The following ADGRB2 variants were observed in gnomAD, a reference collection of about 807,000 sequenced individuals.
ADGRB2 encodes brain-specific angiogenesis inhibitor 2.
Under a neutral mutation model 178.7 loss-of-function variants are expected in ADGRB2, and 47 were observed. The observed-to-expected ratio is 0.26, with a 90% CI of 0.21 to 0.34. The LOEUF is 0.34. ADGRB2 is among the 10% of genes least tolerant of loss of function. The pLI is 1.00. For synonymous variants in ADGRB2, 870 were observed against 912.4 expected, an observed-to-expected ratio of 0.95 and a Z score of 0.84; for missense variants, 1,584 against 2,180.8, an observed-to-expected ratio of 0.73 and a Z score of 5.45.
In ADGRB2 at chr1:31,737,506, T is replaced by C. The variant is rs761215430; in HGVS notation, c.2902A>G (p.Ile968Val). 6.2e-7 allele frequency: 1 copy of C among 1,614,048 alleles called. No individual in the cohort carries two copies. The highest frequency in any genetic ancestry group is 1.1e-5 in the South Asian group (1 of 91,074). Residue 968 changes from isoleucine to valine, a missense_variant, in exon 20 of 33, where the codon ATC becomes GTC. This residue lies in a region of ADGRB2 where 865 missense variants were observed against 1,192.8 expected (regional missense o/e 0.73). Coordinates refer to ENST00000373658, the MANE Select transcript of ADGRB2 (RefSeq NM_001364857.2). The stretch of plus-strand genomic sequence containing the variant: ...ATGGACAGGCAGAAGTTCAGCAAGA[T>C]GATGGAGCGTTCAGATTTTATGAAC... ...WRFIKSERSI[I>V]LLNFCLSILA... is the part of the protein sequence containing the mutation.
At position 31,741,938 on chromosome 1, in the gene ADGRB2, C is replaced by A; in HGVS notation, c.1447G>T (p.Ala483Ser). The A allele has an allele frequency of 6.3e-7, 1 of 1,599,552 alleles. No homozygotes were observed. Among genetic ancestry groups the A allele is most frequent in the Non-Finnish European group, 8.5e-7 (1 of 1,170,092 alleles). ...CACGTCTTAGAGCACAGGCTCCACGCATTCCATGGCCCCCACTTGCTATCA... is the reference window on the plus strand; with the variant it reads ...CACGTCTTAGAGCACAGGCTCCACGAATTCCATGGCCCCCACTTGCTATCA... ...ATDSKWGPWN[A>S]WSLCSKTCDT... is the part of the protein sequence containing the mutation. The change falls in exon 9 of 33, where the codon GCG becomes TCG. Residue 483 changes from alanine to serine, a missense_variant. Coordinates refer to ENST00000373658, the MANE Select transcript of ADGRB2 (RefSeq NM_001364857.2). The surrounding 1 kb of genome is among the most constrained non-coding windows in gnomAD (Gnocchi z 6.5).
At position 31,756,435 on chromosome 1, in the gene ADGRB2, C is replaced by A. The variant is rs1314094114; in HGVS notation, c.402G>T (p.Glu134Asp). 3.7e-6 allele frequency: 6 copies of A among 1,612,042 alleles called. No homozygotes were observed. The highest frequency in any genetic ancestry group is 5.1e-6 in the Non-Finnish European group (6 of 1,179,286). ...TGCACAGCTCCAACCCCGCTGCCGCCTCTGCCTCCTCCTCTTCTGGCCGCC... is the reference window on the plus strand; with the variant it reads ...TGCACAGCTCCAACCCCGCTGCCGCATCTGCCTCCTCCTCTTCTGGCCGCC... ...EVGRPEEEEAEAAAGLELCSG... is the reference protein window; with the variant it reads ...EVGRPEEEEADAAAGLELCSG... The change falls in exon 4 of 33, where the codon GAG (glutamate) becomes GAT (aspartate). Residue 134 changes from glutamate to aspartate, a missense_variant. Physicochemically the swap from Glu to Asp is conservative, Grantham distance 45. This residue lies in a region of ADGRB2 where 657 missense variants were observed against 847.6 expected (regional missense o/e 0.78). Transcript: ENST00000373658. This position sits in a 1 kb window ranked among gnomAD's most constrained non-coding sequence, Gnocchi z 8.5.
rs1031527197 is a variant in ADGRB2, at chr1:31,740,906, C to CACACAT, written c.1795-366_1795-365insATGTGT. ...GTGTGGGCGCGCGCGCACACACACA[C>CACACAT]ACACACACACACACACACACTGTCT... On this transcript the variant is annotated intron_variant, in intron 11 of 32. Coordinates refer to ENST00000373658, the MANE Select transcript of ADGRB2 (RefSeq NM_001364857.2). This position sits in a 1 kb window ranked among gnomAD's most constrained non-coding sequence, Gnocchi z 5.9. 2.7e-5 allele frequency among the ~76,000 whole-genome samples: 4 copies of CACACAT among 150,182 alleles called. No homozygotes were observed. The highest frequency in any genetic ancestry group is 6.6e-5 in the Admixed American group (1 of 15,150).
intron 26 of ADGRB2, 34 bp downstream of exon 26, chr1:31,732,938 T>G: frequency 2.6e-6 from 4 of 1,543,802 alleles, no homozygotes; most frequent in Non-Finnish European, 2.6e-6. Flanking sequence ...GCAGGTGTGG[T>G]GGGCACACAC....
Position 31,761,247 on chromosome 1 carries a change from G to GAGTC in ADGRB2, c.-191+2633_-191+2636dup, listed in dbSNP as rs1647035220. Among the ~76,000 whole-genome samples the GAGTC allele has an allele frequency of 6.6e-6, 1 of 152,202 alleles. No homozygotes were observed. Among genetic ancestry groups the GAGTC allele is most frequent in the Non-Finnish European group, 1.5e-5 (1 of 68,024 alleles). ...GAGGACTTCCAGCCATCACAGGTTC[G>GAGTC]AGTCCCCTTCCTCCGTGCCACCTTC... On this transcript the variant is annotated intron_variant, in intron 1 of 32. Transcript: ENST00000373658. The surrounding 1 kb of genome is among the most constrained non-coding windows in gnomAD (Gnocchi z 4.2).
rs571622729 is a variant in ADGRB2, at chr1:31,753,147, C to T, written c.838+2852G>A. Among the ~76,000 whole-genome samples, 14 of 152,328 alleles carry T rather than the reference C, an allele frequency of 9.2e-5. No individual in the cohort carries two copies. In the East Asian group the frequency reaches 2.7e-3, roughly 29 times the overall value. On this transcript the variant is annotated intron_variant, in intron 4 of 32. Transcript: ENST00000373658. This position sits in a 1 kb window ranked among gnomAD's most constrained non-coding sequence, Gnocchi z 4.1. ...ACTGGCCATCAGGAGCTGAGCCCTG[C>T]AGCTGGCACTAACTCTGCGGCCCGC...
chr1:31,749,299 A>G (rs1646438348), intron 4 of ADGRB2, among the ~76,000 whole-genome samples: 1 of 152,206 alleles, frequency 6.6e-6, no homozygotes. Context: ...CTACAGCCAG[A>G]GTGTGAAACT....
rs1157426646 is a variant in ADGRB2, at chr1:31,739,477, T to C, written c.2326A>G (p.Thr776Ala). The stretch of plus-strand genomic sequence containing the variant: ...CCAGGGCTGCCTGCTGCCCCAGATG[T>C]GGCTGGCTTCCCTGGGGAGGAGAGG... ...LSLSSPGKPA[T>A]SGAAGSPGRG... The change falls in exon 15 of 33, where the codon ACA becomes GCA. Residue 776 changes from threonine to alanine, a missense_variant. This residue lies in a region of ADGRB2 where 865 missense variants were observed against 1,192.8 expected (regional missense o/e 0.73). Coordinates refer to ENST00000373658, the MANE Select transcript of ADGRB2 (RefSeq NM_001364857.2). The C allele has an allele frequency of 6.2e-7, 1 of 1,611,438 alleles. No homozygotes were observed. Among genetic ancestry groups the C allele is most frequent in the East Asian group, 2.2e-5 (1 of 44,842 alleles).
chr1:31,750,501 C>G (rs897239279), intron 4 of ADGRB2, among the ~76,000 whole-genome samples: 2 of 152,210 alleles, frequency 1.3e-5, no homozygotes, highest in African/African-American at 2.4e-5. Flanking sequence ...ACCCCTCCCC[C>G]CAAACTCCAC....
chr1:31,751,359 G>A (rs1557781746), intron 4 of ADGRB2, among the ~76,000 whole-genome samples: 1 of 152,238 alleles, frequency 6.6e-6, no homozygotes, highest in South Asian at 2.1e-4. Flanking sequence ...CAGTTTGTAT[G>A]GGATAGTCTG....
chr1:31,763,233 A>C (rs1267675178), intron 1 of ADGRB2, among the ~76,000 whole-genome samples: 3 of 149,288 alleles, frequency 2.0e-5, no homozygotes. Context: ...CCCCAATTCC[A>C]AGCTGAGGGG....
intron 6 of ADGRB2, chr1:31,743,747 G>A (rs1208237302): frequency 6.3e-6 from 1 of 157,882 alleles, no homozygotes; most frequent in Non-Finnish European, 1.4e-5. Context: ...CCTTGAGAGG[G>A]GGTGTCCAAA....
In ADGRB2 at chr1:31,756,663, A is replaced by G; in HGVS notation, c.174T>C (p.Phe58=). 1 of 1,609,428 alleles carries G rather than the reference A, an allele frequency of 6.2e-7. No individual in the cohort carries two copies. The highest frequency in any genetic ancestry group is 8.5e-7 in the Non-Finnish European group (1 of 1,177,758). ...LYGAFSLQDL[F]PTIASGCSWT... Reference sequence around the variant, plus strand: ...AGGAGCAGCCCGAGGCGATGGTAGGAAAGAGGTCCTGCAGCGAGAAGGCCC... The same window carrying G: ...AGGAGCAGCCCGAGGCGATGGTAGGGAAGAGGTCCTGCAGCGAGAAGGCCC... The change falls in exon 4 of 33, where the codon TTT becomes TTC. Residue 58 remains phenylalanine (F), a synonymous_variant. Transcript: ENST00000373658. This position sits in a 1 kb window ranked among gnomAD's most constrained non-coding sequence, Gnocchi z 8.5.
At position 31,735,435 on chromosome 1, in the gene ADGRB2, G is replaced by A. The variant is rs1350112821; in HGVS notation, c.3353+145C>T. The A allele has an allele frequency of 7.9e-7, 1 of 1,258,298 alleles. No individual in the cohort carries two copies. Among genetic ancestry groups the A allele is most frequent in the Non-Finnish European group, 1.1e-6 (1 of 884,872 alleles). The allele number at this position is 1,258,298 out of a possible 1,614,324, so 77.9% of individuals were successfully genotyped here. On this transcript the variant is annotated intron_variant, in intron 24 of 32. Transcript: ENST00000373658. The surrounding 1 kb of genome is among the most constrained non-coding windows in gnomAD (Gnocchi z 6.0). ...TGAGGGGCTGCGGCTGAGCACTCCGGGTGCCCACCTTGCCTGCAACCTTGA... is the reference window on the plus strand; with the variant it reads ...TGAGGGGCTGCGGCTGAGCACTCCGAGTGCCCACCTTGCCTGCAACCTTGA...
chr1:31,735,713 C>G lies in ADGRB2; in HGVS notation c.3268-48G>C, dbSNP rs750375116. 5 of 1,572,670 alleles carry G rather than the reference C, an allele frequency of 3.2e-6. No homozygotes were observed. The South Asian group carries it at 5.9e-5, about 18-fold the overall frequency. ...TGGGGGAGACAGGATCACCAGGTGCCCTCCTGGCAGGGAAATCCCCATGTG... is the reference window on the plus strand; with the variant it reads ...TGGGGGAGACAGGATCACCAGGTGCGCTCCTGGCAGGGAAATCCCCATGTG... On this transcript the variant is annotated intron_variant, in intron 23 of 32. Coordinates refer to ENST00000373658, the MANE Select transcript of ADGRB2 (RefSeq NM_001364857.2). This position sits in a 1 kb window ranked among gnomAD's most constrained non-coding sequence, Gnocchi z 6.0.
At chr1:31,751,884 A>G (rs1646589786) in intron 4 of ADGRB2, among the ~76,000 whole-genome samples, 1 of 152,068 alleles carries the variant, frequency 6.6e-6, no homozygotes, top group African/African-American at 2.4e-5. Context: ...CTAAATTATG[A>G]TGACCCAGCT....
chr1:31,727,507 G>C lies in ADGRB2; in HGVS notation c.4671C>G (p.Pro1557=). Residue 1557 remains proline (P), a synonymous_variant, in exon 33 of 33, where the codon CCC becomes CCG. Transcript: ENST00000373658. The surrounding 1 kb of genome is among the most constrained non-coding windows in gnomAD (Gnocchi z 4.4). The stretch of plus-strand genomic sequence containing the variant: ...GCAGAGTCAGCCGTTCTCGGGGCTT[G>C]GGGGGCAGCGAGCCCAGTGTCATAG... ...FKSMTLGSLP[P]KPRERLTLHR... 6.3e-7 allele frequency: 1 copy of C among 1,596,090 alleles called. No homozygotes were observed. Among genetic ancestry groups the C allele is most frequent in the Non-Finnish European group, 8.5e-7 (1 of 1,175,016 alleles).
rs1021769230 is a variant in ADGRB2 at position 31,753,166 on chromosome 1, G to A, written c.838+2833C>T. ...GCCCTGCAGCTGGCACTAACTCTGC[G>A]GCCCGCCTTCCAGCCCTGACCTCAG... On this transcript the variant is annotated intron_variant, in intron 4 of 32. Transcript: ENST00000373658. This position sits in a 1 kb window ranked among gnomAD's most constrained non-coding sequence, Gnocchi z 4.1. Among the ~76,000 whole-genome samples the A allele has an allele frequency of 1.3e-5, 2 of 152,202 alleles. No homozygotes were observed. The highest frequency in any genetic ancestry group is 6.5e-5 in the Admixed American group (1 of 15,290).
At position 31,737,736 on chromosome 1, in the gene ADGRB2, G is replaced by A. The variant is rs768974002; in HGVS notation, c.2792C>T (p.Ser931Phe). The part of the protein sequence containing the change: ...PKDLTLELAG[S>F]PSVPLVIGCA... The stretch of plus-strand genomic sequence containing the variant: ...GCCGATCACCAGGGGGACCGAGGGG[G>A]AGCCCGCCAGCTCCAGGGTCTGGGG... The change falls in exon 19 of 33, where the codon TCC becomes TTC. Residue 931 changes from serine to phenylalanine, a missense_variant. Around this residue, in one of 3 missense-constraint regions of ADGRB2, gnomAD observed 865 missense variants for 1,192.8 expected, o/e 0.73. Transcript: ENST00000373658. 1.9e-6 allele frequency: 3 copies of A among 1,613,494 alleles called. No individual in the cohort carries two copies. The African/African-American group carries it at 4.0e-5, about 22-fold the overall frequency.
Sources: allele counts gnomAD v4.1 joint callset (sites outside exome capture counted in the v4.1 genomes callset), GRCh38; gene constraint gnomAD v4.1.1; regional missense constraint gnomAD v4.1.1; non-coding constraint Gnocchi (gnomAD v3.1); transcripts MANE v1.5; gene names NCBI Gene and HGNC (gene_info 2026-07-23, HGNC 2026-07-21).